NAALADL2: variants seen among roughly 807,000 people sequenced by gnomAD.
The protein encoded by NAALADL2 is N-acetylated alpha-linked acidic dipeptidase like 2.
Under a neutral mutation model 87.2 loss-of-function variants are expected in NAALADL2, and 76 were observed. That is an observed-to-expected ratio of 0.87 (90% CI 0.72 to 1.05). The LOEUF (loss-of-function observed/expected upper bound fraction) is 1.05. Among genes scored for constraint, NAALADL2 ranks in the 50% least tolerant of loss-of-function variants. The pLI, the probability that NAALADL2 is intolerant of heterozygous loss-of-function variation, is 0.00. For synonymous variants in NAALADL2, 354 were observed against 331.0 expected, an observed-to-expected ratio of 1.07 and a Z score of -0.75; for missense variants, 1,089 against 945.8, an observed-to-expected ratio of 1.15 and a Z score of -1.99.
At chr3:174,980,422 C>A (rs1389323297) in intron 1 of NAALADL2, among the ~76,000 whole-genome samples, 1 of 152,084 alleles carries the variant, frequency 6.6e-6, no homozygotes, top group African/African-American at 2.4e-5. Context: ...ATCACTTGAA[C>A]CCAGGAGTTT....
chr3:175,635,021 T>C (rs1728312710), intron 11 of NAALADL2, among the ~76,000 whole-genome samples: 1 of 152,090 alleles, frequency 6.6e-6, no homozygotes, highest in Non-Finnish European at 1.5e-5. Context: ...TTAAAACCAA[T>C]GCCTTACACT....
chr3:175,365,680 G>A (rs1341215680), intron 5 of NAALADL2, among the ~76,000 whole-genome samples: 1 of 146,844 alleles, frequency 6.8e-6, no homozygotes, highest in Admixed American at 7.0e-5. Context: ...TGATGAGATG[G>A]AACATTTGAA....
intron 2 of NAALADL2, among the ~76,000 whole-genome samples, chr3:174,558,590 G>A (rs778089304): frequency 1.6e-4 from 24 of 152,086 alleles, no homozygotes; most frequent in East Asian, 2.0e-4. Context: ...AATAGGGTTC[G>A]TGCTCCCCTG....
chr3:175,556,873 A>C (rs1041433418), intron 9 of NAALADL2, among the ~76,000 whole-genome samples: 4 of 152,194 alleles, frequency 2.6e-5, no homozygotes, highest in African/African-American at 9.7e-5. Flanking sequence ...CATTCTTAGA[A>C]ACAGTTCAGG....
In NAALADL2 at chr3:175,170,099, T is replaced by C. The variant is rs191495311; in HGVS notation, c.546-63832T>C. Among the ~76,000 whole-genome samples, 808 of 152,008 alleles carry C rather than the reference T, an allele frequency of 5.3e-3. 5 individuals carry two copies. Among genetic ancestry groups the C allele is most frequent in the South Asian group, 0.016 (76 of 4,832 alleles). ...CTCTGTTTTTATTAAGTAACTGACA[T>C]GCAATTTCTGTTATATAAAGTGCTT... On this transcript the variant is annotated intron_variant, in intron 2 of 13. Transcript: ENST00000454872.
chr3:175,789,225 G>A (rs1752486600), intron 13 of NAALADL2, among the ~76,000 whole-genome samples: 1 of 152,102 alleles, frequency 6.6e-6, no homozygotes, highest in African/African-American at 2.4e-5. Context: ...CTTGATGAAT[G>A]AGCTCTCAAG....
At chr3:174,476,748 TG>T (rs1407513815) in intron 1 of NAALADL2, among the ~76,000 whole-genome samples, 9 of 152,058 alleles carry the variant, frequency 5.9e-5, no homozygotes, top group Non-Finnish European at 1.5e-5. Context: ...TACCCGTCAG[TG>T]TCGATGTTTA....
At chr3:174,578,815 A>G (rs1019754411) in intron 2 of NAALADL2, among the ~76,000 whole-genome samples, 2 of 151,954 alleles carry the variant, frequency 1.3e-5, no homozygotes, top group African/African-American at 2.4e-5. Context: ...TATAAATTAT[A>G]TGAATTAAAC....
At chr3:175,663,436 C>T (rs1732542601) in intron 11 of NAALADL2, among the ~76,000 whole-genome samples, 1 of 151,604 alleles carries the variant, frequency 6.6e-6, no homozygotes, top group Admixed American at 6.6e-5. Context: ...TGAATATTCT[C>T]TCTCTATTTT....
intron 11 of NAALADL2, among the ~76,000 whole-genome samples, chr3:175,705,136 G>T (rs570757607): frequency 6.6e-6 from 1 of 152,182 alleles, no homozygotes; most frequent in Admixed American, 6.5e-5. Flanking sequence ...AGGAGAGATG[G>T]CTGGAAAGAA....
At chr3:175,434,435 G>A (rs982573398) in intron 5 of NAALADL2, among the ~76,000 whole-genome samples, 1 of 151,962 alleles carries the variant, frequency 6.6e-6, no homozygotes, top group South Asian at 2.1e-4. Context: ...GATCTGAGAA[G>A]TACTTCATAT....
chr3:175,401,868 G>T (rs567164984), intron 5 of NAALADL2, among the ~76,000 whole-genome samples: 48 of 152,162 alleles, frequency 3.2e-4, no homozygotes, highest in African/African-American at 1.0e-3. Context: ...TTCCATGTAA[G>T]CATAAAAGTC....
At chr3:174,515,683 A>C (rs933164854) in intron 1 of NAALADL2, among the ~76,000 whole-genome samples, 2 of 148,126 alleles carry the variant, frequency 1.4e-5, no homozygotes, top group Non-Finnish European at 3.0e-5. Context: ...GAGAACTGAC[A>C]ATTGGAAAAA....
chr3:174,480,305 C>G (rs1025107167), intron 1 of NAALADL2, among the ~76,000 whole-genome samples: 2 of 152,066 alleles, frequency 1.3e-5, no homozygotes, highest in African/African-American at 4.8e-5. Flanking sequence ...GTAGAATTGC[C>G]TTGATGTGCG....
chr3:174,989,891 C>G (rs1453799530), intron 1 of NAALADL2, among the ~76,000 whole-genome samples: 1 of 152,012 alleles, frequency 6.6e-6, no homozygotes, highest in Non-Finnish European at 1.5e-5. Context: ...GGAGATAGTA[C>G]TTTTTGTTTT....
chr3:174,825,571 T>A (rs1327576859), intron 3 of NAALADL2, among the ~76,000 whole-genome samples: 1 of 152,158 alleles, frequency 6.6e-6, no homozygotes, highest in Non-Finnish European at 1.5e-5. Context: ...CACATATACC[T>A]AGAAATAATG....
chr3:175,004,627 A>G (rs1748762158), intron 1 of NAALADL2, among the ~76,000 whole-genome samples: 1 of 152,112 alleles, frequency 6.6e-6, no homozygotes, highest in South Asian at 2.1e-4. Context: ...ATGAATTCAG[A>G]GTCATGAATG....
chr3:175,229,299 G>GA lies in NAALADL2; in HGVS notation c.546-4626dup, dbSNP rs1161012784. On this transcript the variant is annotated intron_variant, in intron 2 of 13. Transcript: ENST00000454872. ...GCATGTGATATAATTGTTTTACATA[G>GA]AAAAAATGAAGAAAATTGTTATGAT... 3.3e-5 allele frequency among the ~76,000 whole-genome samples: 5 copies of GA among 151,770 alleles called. No individual in the cohort carries two copies. The East Asian group carries it at 9.7e-4, about 29-fold the overall frequency.
chr3:174,817,616 T>G (rs1720945806), intron 3 of NAALADL2, among the ~76,000 whole-genome samples: 1 of 152,062 alleles, frequency 6.6e-6, no homozygotes, highest in Admixed American at 6.6e-5. Context: ...AAATAAATAA[T>G]TTTTAAAAAA....
Sources: allele counts gnomAD v4.1 joint callset (sites outside exome capture counted in the v4.1 genomes callset), GRCh38; gene constraint gnomAD v4.1.1; transcripts MANE v1.5; gene names NCBI Gene and HGNC (gene_info 2026-07-23, HGNC 2026-07-21).